SCEL: variants seen among roughly 807,000 people sequenced by gnomAD.
The protein encoded by SCEL is sciellin.
Under a neutral mutation model 117.6 loss-of-function variants are expected in SCEL, and 113 were observed. The observed-to-expected ratio is 0.96, with a 90% confidence interval of 0.83 to 1.12. SCEL has a LOEUF of 1.12. Among genes scored for constraint, SCEL ranks in the 50% most tolerant of loss-of-function variants. The probability of loss-of-function intolerance (pLI) is 0.00; values close to 1 mark genes in which losing one functional copy is unlikely to be tolerated. For synonymous variants in SCEL, 270 were observed against 256.2 expected, an observed-to-expected ratio of 1.05 and a Z score of -0.51; for missense variants, 785 against 810.8, an observed-to-expected ratio of 0.97 and a Z score of 0.39.
At position 77,543,593 on chromosome 13, in the gene SCEL, A is replaced by G. The variant is rs946009668; in HGVS notation, c.-20+7769A>G. ...AAATGATCAAAGAAAGTCTGCTCCA[A>G]TTCTTCTCTGTTGAGCTCCACCATG... On this transcript the variant is annotated intron_variant, in intron 1 of 32. Coordinates refer to ENST00000349847, the MANE Select transcript of SCEL (RefSeq NM_144777.3). Among the ~76,000 whole-genome samples the G allele has an allele frequency of 7.2e-5, 11 of 152,256 alleles. No homozygotes were observed. In the South Asian group the frequency reaches 8.3e-4, roughly 11 times the overall value.
At chr13:77,551,580 G>A (rs1215294804) in intron 1 of SCEL, among the ~76,000 whole-genome samples, 1 of 152,040 alleles carries the variant, frequency 6.6e-6, no homozygotes, top group Non-Finnish European at 1.5e-5. Flanking sequence ...GTCCTCACAT[G>A]GCCTTTCCTC....
intron 1 of SCEL, among the ~76,000 whole-genome samples, chr13:77,552,321 A>C (rs2084381640): frequency 6.6e-6 from 1 of 151,492 alleles, no homozygotes; most frequent in African/African-American, 2.4e-5. Context: ...ACAGTGTAAA[A>C]GTGTTCCTAT....
intron 4 of SCEL, among the ~76,000 whole-genome samples, chr13:77,561,360 C>T (rs1215806769): frequency 6.6e-6 from 1 of 152,218 alleles, no homozygotes; most frequent in Admixed American, 6.5e-5. Flanking sequence ...TGAACCCTTC[C>T]TCATGGTGGC....
intron 15 of SCEL, among the ~76,000 whole-genome samples, chr13:77,600,286 G>A (rs535302080): frequency 5.9e-5 from 9 of 152,070 alleles, no homozygotes; most frequent in South Asian, 4.2e-4. Flanking sequence ...CCGCCACCAC[G>A]CCCAGCTAAT....
intron 11 of SCEL, among the ~76,000 whole-genome samples, chr13:77,592,600 C>G (rs1457195737): frequency 6.7e-6 from 1 of 149,842 alleles, no homozygotes; most frequent in East Asian, 1.9e-4. Flanking sequence ...GCTCTGTCAC[C>G]CAGGCTGGAG....
intron 9 of SCEL, among the ~76,000 whole-genome samples, chr13:77,580,012 T>A (rs903094206): frequency 2.0e-5 from 3 of 152,242 alleles, no homozygotes; most frequent in East Asian, 1.9e-4. Flanking sequence ...ATCCAGTAAT[T>A]CCAAATCTGA....
chr13:77,599,697 G>T lies in SCEL; in HGVS notation c.866G>T (p.Ser289Ile), dbSNP rs768238369. 1.9e-6 allele frequency: 3 copies of T among 1,611,362 alleles called. No homozygotes were observed. Among genetic ancestry groups the T allele is most frequent in the African/African-American group, 1.3e-5 (1 of 74,990 alleles). The change falls in exon 15 of 33, where the codon AGC (serine) becomes ATC (isoleucine). Residue 289 changes from serine to isoleucine, a missense_variant. Coordinates refer to ENST00000349847, the MANE Select transcript of SCEL (RefSeq NM_144777.3). ...KVEEREKRAK[S>I]LESLIYMSTR... ...TTTCTTTGTGTTTTCAGAGCCAAAA[G>T]CCTTGAAAGTCTCATCTATATGAGT... is the stretch of plus-strand genomic sequence containing the variant.
At chr13:77,565,862 T>C (rs2085259811) in intron 5 of SCEL, among the ~76,000 whole-genome samples, 1 of 152,240 alleles carries the variant, frequency 6.6e-6, no homozygotes, top group Non-Finnish European at 1.5e-5. Flanking sequence ...GGAGGCCCTC[T>C]AGTGCTCCAT....
chr13:77,571,981 A>G, intron 8 of SCEL, 143 bp from the exon 9 acceptor site: 1 of 675,862 alleles, frequency 1.5e-6, no homozygotes. Flanking sequence ...GTTACTTCCT[A>G]CTTCATTTAT....
chr13:77,561,051 A>T (rs182209870), intron 4 of SCEL, among the ~76,000 whole-genome samples: 1 of 152,250 alleles, frequency 6.6e-6, no homozygotes, highest in East Asian at 1.9e-4. Flanking sequence ...CATCTGATTT[A>T]CTGTTCTGTG....
chr13:77,548,760 C>T (rs766552378), intron 1 of SCEL, among the ~76,000 whole-genome samples: 2 of 152,206 alleles, frequency 1.3e-5, no homozygotes, highest in African/African-American at 2.4e-5. Context: ...TGCACATGCT[C>T]TCTTGTCTGC....
chr13:77,558,182 G>C (rs1240039630), intron 3 of SCEL, among the ~76,000 whole-genome samples: 1 of 152,208 alleles, frequency 6.6e-6, no homozygotes, highest in African/African-American at 2.4e-5. Flanking sequence ...ACAAATCACA[G>C]TTGGGAGGAA....
intron 27 of SCEL, among the ~76,000 whole-genome samples, chr13:77,623,934 G>A (rs961143712): frequency 1.6e-4 from 25 of 152,128 alleles, no homozygotes; most frequent in African/African-American, 6.0e-4. Context: ...CACAGACTGG[G>A]TGGCTTAAAG....
At chr13:77,630,427 C>A (rs1594177356) in intron 28 of SCEL, among the ~76,000 whole-genome samples, 1 of 152,068 alleles carries the variant, frequency 6.6e-6, no homozygotes, top group African/African-American at 2.4e-5. Context: ...CTATTCATCA[C>A]CTGATGACAT....
chr13:77,543,865 C>T (rs956937755), intron 1 of SCEL, among the ~76,000 whole-genome samples: 3 of 152,128 alleles, frequency 2.0e-5, no homozygotes, highest in Non-Finnish European at 4.4e-5. Flanking sequence ...AGGTACTGTG[C>T]GTCAGGCTGA....
At chr13:77,610,345 G>A (rs1404393806) in intron 22 of SCEL, among the ~76,000 whole-genome samples, 1 of 151,638 alleles carries the variant, frequency 6.6e-6, no homozygotes, top group Non-Finnish European at 1.5e-5. Context: ...TCAGCTACTC[G>A]GGAGGCTGAG....
At chr13:77,547,947 G>A (rs2084087003) in intron 1 of SCEL, among the ~76,000 whole-genome samples, 2 of 152,044 alleles carry the variant, frequency 1.3e-5, no homozygotes, top group Non-Finnish European at 1.5e-5. Flanking sequence ...CTTTCCCTGG[G>A]ACTTCCCAGT....
intron 11 of SCEL, among the ~76,000 whole-genome samples, chr13:77,593,302 G>GCGCGCGCGTC (rs1195018660): frequency 2.0e-5 from 3 of 147,176 alleles, no homozygotes; most frequent in Non-Finnish European, 4.5e-5. Flanking sequence ...GTGTGTCTGT[G>GCGCGCGCGTC]TGTGTGTGTG....
intron 1 of SCEL, among the ~76,000 whole-genome samples, chr13:77,543,146 G>C (rs866098359): frequency 6.7e-6 from 1 of 149,294 alleles, no homozygotes; most frequent in Non-Finnish European, 1.5e-5. Flanking sequence ...TGCAGTGGCG[G>C]GATCTCGGCT....
Sources: gnomAD v4.1 joint callset for allele counts (sites outside exome capture counted in the v4.1 genomes callset) on GRCh38, gnomAD v4.1.1 for gene constraint, MANE v1.5 for transcripts, NCBI Gene and HGNC (gene_info 2026-07-23, HGNC 2026-07-21) for gene names.